ARHGEF10L: variants seen among roughly 807,000 people sequenced by gnomAD.
ARHGEF10L encodes the protein Rho guanine nucleotide exchange factor 10 like, also known as rho guanine nucleotide exchange factor 10-like protein.
In ARHGEF10L, 69 loss-of-function variants were observed where a neutral mutation model predicts 141.2. The ratio of observed to expected loss-of-function variants is 0.49; its 90% CI spans 0.40 to 0.60. The LOEUF (loss-of-function observed/expected upper bound fraction) is 0.60, where lower values mean the gene tolerates loss of function less well. Ranked by LOEUF, ARHGEF10L falls within the 20% of genes least tolerant of loss-of-function variation. ARHGEF10L has a pLI of 0.00. For missense variants in ARHGEF10L, 1,482 were observed against 1,734.3 expected, an observed-to-expected ratio of 0.85 and a Z score of 2.58; for synonymous variants, 711 against 718.5, an observed-to-expected ratio of 0.99 and a Z score of 0.17.
chr1:17,598,786 T>A (rs1395914201), intron 4 of ARHGEF10L, among the ~76,000 whole-genome samples: 5 of 151,892 alleles, frequency 3.3e-5, no homozygotes, highest in African/African-American at 9.7e-5. Context: ...TTTTTTTTTT[T>A]ATAAAATGGT....
the ARHGEF10L span, among the ~76,000 whole-genome samples, chr1:17,523,733 T>C: frequency 2.6e-5 from 4 of 152,166 alleles, no homozygotes; most frequent in African/African-American, 9.7e-5. Context: ...TTTTGAGCCA[T>C]GGGTTCTAGA....
intron 27 of ARHGEF10L, 167 bp from the exon 28 acceptor site, chr1:17,694,991 C>G (rs1357348637): frequency 1.0e-6 from 1 of 974,904 alleles, no homozygotes; most frequent in Non-Finnish European, 1.6e-6. Context: ...GGCCAGACCC[C>G]AGGCAGGTCA....
chr1:17,659,327 C>G (rs1195042709), intron 25 of ARHGEF10L, among the ~76,000 whole-genome samples: 1 of 152,192 alleles, frequency 6.6e-6, no homozygotes, highest in Non-Finnish European at 1.5e-5. Flanking sequence ...TGGTATCTTT[C>G]AGAGGTGGCC....
At position 17,573,359 on chromosome 1, in the gene ARHGEF10L, G is replaced by A. The variant is rs763565573; in HGVS notation, c.-43-7194G>A. Among the ~76,000 whole-genome samples the A allele has an allele frequency of 6.6e-6, 1 of 152,210 alleles. No individual in the cohort carries two copies. The highest frequency in any genetic ancestry group is 1.5e-5 in the Non-Finnish European group (1 of 68,032). ...GTTGATGGCACACAGTATGTGTCAT[G>A]CCAGCTGCTGTCCCCTCTCTGGCTT... On this transcript the variant is annotated intron_variant, in intron 1 of 28. Transcript: ENST00000361221. The surrounding 1 kb of genome is among the most constrained non-coding windows in gnomAD (Gnocchi z 4.8).
intron 2 of ARHGEF10L, among the ~76,000 whole-genome samples, 190 bp from the exon 3 acceptor site, chr1:17,587,270 C>T (rs980612897): frequency 2.0e-5 from 3 of 152,174 alleles, no homozygotes; most frequent in African/African-American, 7.2e-5. Context: ...GCTTAGAGAC[C>T]TAACCCAACC....
intron 26 of ARHGEF10L, among the ~76,000 whole-genome samples, chr1:17,680,946 G>C (rs2064086911): frequency 6.6e-6 from 1 of 152,032 alleles, no homozygotes. Flanking sequence ...ACCATGCCCA[G>C]ATAAGTTTTG....
chr1:17,566,131 C>A (rs932294424), intron 1 of ARHGEF10L, among the ~76,000 whole-genome samples: 6 of 152,182 alleles, frequency 3.9e-5, no homozygotes, highest in Admixed American at 2.0e-4. Flanking sequence ...TGCTATAGAT[C>A]CCCAGAGGAC....
At chr1:17,537,892 A>G (rs2076601369), upstream of ARHGEF10L, among the ~76,000 whole-genome samples, 1 of 151,622 alleles carries the variant, frequency 6.6e-6, no homozygotes. Flanking sequence ...AAGAAAAAAA[A>G]AATGAGCCAG....
chr1:17,579,223 G>A (rs904592280), intron 1 of ARHGEF10L, among the ~76,000 whole-genome samples: 2 of 152,256 alleles, frequency 1.3e-5, no homozygotes, highest in South Asian at 2.1e-4. Flanking sequence ...GTTTCACCAC[G>A]TTGGCCAGGC....
At chr1:17,626,724 A>C (rs1342497028) in intron 14 of ARHGEF10L, among the ~76,000 whole-genome samples, 1 of 152,208 alleles carries the variant, frequency 6.6e-6, no homozygotes, top group Non-Finnish European at 1.5e-5. Flanking sequence ...GAACTTTCTC[A>C]TCATCCTGAA....
At chr1:17,660,886 A>G (rs1571340465) in intron 25 of ARHGEF10L, among the ~76,000 whole-genome samples, 2 of 152,202 alleles carry the variant, frequency 1.3e-5, no homozygotes, top group Admixed American at 6.5e-5. Context: ...GGCTCCCATC[A>G]GGCAGGGGCG....
At chr1:17,662,850 G>A (rs2062715188) in intron 25 of ARHGEF10L, among the ~76,000 whole-genome samples, 1 of 152,158 alleles carries the variant, frequency 6.6e-6, no homozygotes, top group African/African-American at 2.4e-5. Flanking sequence ...GTCTGCCTGT[G>A]ATGGGCTGCT....
intron 18 of ARHGEF10L, among the ~76,000 whole-genome samples, chr1:17,636,045 C>T (rs2060979616): frequency 6.6e-6 from 1 of 152,204 alleles, no homozygotes; most frequent in Non-Finnish European, 1.5e-5. Context: ...CTCAGCTCTG[C>T]TGGGTAGGAA....
At chr1:17,675,280 C>A (rs1043455320) in intron 26 of ARHGEF10L, among the ~76,000 whole-genome samples, 1 of 152,240 alleles carries the variant, frequency 6.6e-6, no homozygotes, top group East Asian at 1.9e-4. Context: ...GCAGGGCAAC[C>A]GCCTTGGCTG....
In ARHGEF10L at chr1:17,697,262, T is replaced by A; in HGVS notation, c.3722T>A (p.Ile1241Asn). The A allele has an allele frequency of 1.2e-6, 2 of 1,612,682 alleles. No individual in the cohort carries two copies. Among genetic ancestry groups the A allele is most frequent in the East Asian group, 2.2e-5 (1 of 44,852 alleles). The part of the protein sequence containing the change: ...HRKEICSVAI[I>N]SGGQGYRNFG... ...AAGGAGATTTGCTCTGTGGCCATCA[T>A]CTCCGGCGGGCAGGGCTACCGCAAC... The change falls in exon 29 of 29, where the codon ATC (isoleucine) becomes AAC (asparagine). Residue 1241 changes from isoleucine to asparagine, a missense_variant. Ile to Asn is a moderately radical substitution (Grantham distance 149). This residue lies in a region of ARHGEF10L where 858 missense variants were observed against 966.3 expected (regional missense o/e 0.89). Coordinates refer to ENST00000361221, the MANE Select transcript of ARHGEF10L (RefSeq NM_018125.4). This position sits in a 1 kb window ranked among gnomAD's most constrained non-coding sequence, Gnocchi z 4.8.
rs553658256 is a variant in ARHGEF10L at position 17,575,539 on chromosome 1, T to C, written c.-43-5014T>C. On this transcript the variant is annotated intron_variant, in intron 1 of 28. Coordinates refer to ENST00000361221, the MANE Select transcript of ARHGEF10L (RefSeq NM_018125.4). ...GGCATGGTCATGGGGCTGAAAGCCA[T>C]TCGTGAGAGCCAGAGCAGAGTTCCA... 1.4e-4 allele frequency among the ~76,000 whole-genome samples: 21 copies of C among 152,332 alleles called. No individual in the cohort carries two copies. The South Asian group carries it at 2.5e-3, about 18-fold the overall frequency.
At chr1:17,622,331 C>T (rs1219186896) in intron 11 of ARHGEF10L, among the ~76,000 whole-genome samples, 2 of 152,206 alleles carry the variant, frequency 1.3e-5, no homozygotes, top group South Asian at 2.1e-4. Flanking sequence ...CTTCTTGCAT[C>T]GAGAGGAGTA....
intron 11 of ARHGEF10L, 131 bp downstream of exon 11, chr1:17,622,072 A>G (rs562643262): frequency 1.6e-4 from 134 of 856,440 alleles, no homozygotes; most frequent in Admixed American, 6.9e-4. Flanking sequence ...GCACTGCTTT[A>G]TGGGGACAGT....
In ARHGEF10L at chr1:17,687,713, C is replaced by T. The variant is rs566471215; in HGVS notation, c.3150C>T (p.Ile1050=). 1 of 1,596,658 alleles carries T rather than the reference C, an allele frequency of 6.3e-7. No homozygotes were observed. The highest frequency in any genetic ancestry group is 1.1e-5 in the South Asian group (1 of 89,002). ...AGACCCTGGAGCATCTGCAAGAGAT[C>T]AACATCGCCACCAGGACCACCTTCC... ...HTETLEHLQE[I]NIATRTTFLL... is the part of the protein sequence containing the mutation. The change falls in exon 27 of 29, where the codon ATC becomes ATT. Residue 1050 remains isoleucine (I), a synonymous_variant. Transcript: ENST00000361221.
Sources: gnomAD v4.1 joint callset for allele counts (sites outside exome capture counted in the v4.1 genomes callset) on GRCh38, gnomAD v4.1.1 for gene constraint, gnomAD v4.1.1 regional missense constraint, Gnocchi (gnomAD v3.1) non-coding constraint, MANE v1.5 for transcripts, NCBI Gene and HGNC (gene_info 2026-07-23, HGNC 2026-07-21) for gene names.